NXPE2: variants seen among roughly 807,000 people sequenced by gnomAD.
NXPE2 encodes neurexophilin and PC-esterase domain family member 2, also known as NXPE family member 2.
In NXPE2, 34 loss-of-function variants were observed where a neutral mutation model predicts 34.4. The ratio of observed to expected loss-of-function variants is 0.99; its 90% CI spans 0.75 to 1.31. The LOEUF (loss-of-function observed/expected upper bound fraction) is 1.31, where lower values mean the gene tolerates loss of function less well. NXPE2 is among the 40% of genes most tolerant of loss of function. The pLI is 0.00. For synonymous variants in NXPE2, 235 were observed against 231.3 expected (o/e 1.02, Z -0.15); for missense variants, 649 against 672.5 (o/e 0.97, Z 0.39).
At chr11:114,673,542 T>C (rs1950824063), upstream of NXPE2, among the ~76,000 whole-genome samples, 1 of 151,348 alleles carries the variant, frequency 6.6e-6, no homozygotes, top group Non-Finnish European at 1.5e-5. Context: ...AAAAAGTCCT[T>C]TCAAAAGACC....
At chr11:114,555,013 T>C in the NXPE2 span, among the ~76,000 whole-genome samples, 1 of 152,190 alleles carries the variant, frequency 6.6e-6, no homozygotes, top group South Asian at 2.1e-4. Flanking sequence ...CTTGTTTTCT[T>C]GTTTAAGTCA....
chr11:114,779,774 CAG>C, the NXPE2 span, among the ~76,000 whole-genome samples: 1 of 152,088 alleles, frequency 6.6e-6, no homozygotes, highest in Non-Finnish European at 1.5e-5. Flanking sequence ...CTCGCTCGCT[CAG>C]GGAGATATTT....
chr11:114,583,631 C>T, the NXPE2 span: 1 of 591,414 alleles, frequency 1.7e-6, no homozygotes, highest in South Asian at 1.4e-5. Flanking sequence ...ACTTAATGAG[C>T]AGCAGATGGA....
At chr11:114,502,537 A>G in the NXPE2 span, among the ~76,000 whole-genome samples, 2 of 152,318 alleles carry the variant, frequency 1.3e-5, no homozygotes, top group East Asian at 3.9e-4. Context: ...TTATAATATT[A>G]CTGTTATTTG....
the NXPE2 span, among the ~76,000 whole-genome samples, chr11:114,604,208 T>C: frequency 1.3e-5 from 2 of 152,082 alleles, no homozygotes; most frequent in Non-Finnish European, 2.9e-5. Context: ...AAGTATTGCC[T>C]TGTGGGTAAC....
chr11:114,583,914 A>T, the NXPE2 span: 2 of 394,452 alleles, frequency 5.1e-6, no homozygotes, highest in Non-Finnish European at 9.9e-6. Flanking sequence ...AAAGGCAGAT[A>T]TTATGCTATT....
the NXPE2 span, among the ~76,000 whole-genome samples, chr11:114,668,146 T>C: frequency 1.2e-4 from 18 of 150,080 alleles, no homozygotes; most frequent in Admixed American, 7.3e-4. Context: ...AGCTATTGGC[T>C]CTCAACTCCA....
At chr11:114,522,468 AG>A in the NXPE2 span, 1 of 1,608,796 alleles carries the variant, frequency 6.2e-7, no homozygotes. Flanking sequence ...TGTTTCTTAA[AG>A]ATTCCAGTTT....
the NXPE2 span, among the ~76,000 whole-genome samples, chr11:114,464,650 G>A: frequency 6.6e-6 from 1 of 152,046 alleles, no homozygotes; most frequent in South Asian, 2.1e-4. Context: ...AGATAGGAAT[G>A]AATTTAAAAA....
upstream of NXPE2, among the ~76,000 whole-genome samples, chr11:114,675,184 T>C (rs1249133423): frequency 6.6e-6 from 1 of 151,822 alleles, no homozygotes; most frequent in African/African-American, 2.4e-5. Flanking sequence ...ACACTATATA[T>C]GACAAACCCA....
At chr11:114,491,824 C>T in the NXPE2 span, among the ~76,000 whole-genome samples, 1 of 152,158 alleles carries the variant, frequency 6.6e-6, no homozygotes, top group Non-Finnish European at 1.5e-5. Context: ...GAATACTATG[C>T]AGCCATAAAA....
chr11:114,477,213 G>A, the NXPE2 span, among the ~76,000 whole-genome samples: 4 of 152,126 alleles, frequency 2.6e-5, no homozygotes, highest in African/African-American at 7.2e-5. Context: ...AGGACTTGGA[G>A]CAAAACGAAT....
At chr11:114,729,271 G>A in the NXPE2 span, among the ~76,000 whole-genome samples, 3 of 152,132 alleles carry the variant, frequency 2.0e-5, no homozygotes, top group Non-Finnish European at 4.4e-5. Context: ...TGGTTGCATA[G>A]TATTCCATAG....
chr11:114,533,953 G>T, the NXPE2 span, among the ~76,000 whole-genome samples: 2 of 152,224 alleles, frequency 1.3e-5, no homozygotes, highest in Non-Finnish European at 2.9e-5. Context: ...CTCCCAGCAT[G>T]CAGCTTGAGA....
the NXPE2 span, among the ~76,000 whole-genome samples, chr11:114,576,856 A>G: frequency 1.4e-4 from 21 of 151,588 alleles, no homozygotes; most frequent in East Asian, 4.1e-3. Flanking sequence ...CAGAGGAAGA[A>G]AAGTCATTAT....
chr11:114,638,904 G>GGGGGGCA, the NXPE2 span, among the ~76,000 whole-genome samples: 1 of 151,500 alleles, frequency 6.6e-6, no homozygotes, highest in Admixed American at 6.6e-5. Flanking sequence ...TAGGCTGCTT[G>GGGGGGCA]GGGGTCAGGG....
At chr11:114,500,214 A>G in the NXPE2 span, among the ~76,000 whole-genome samples, 6 of 152,082 alleles carry the variant, frequency 3.9e-5, no homozygotes, top group African/African-American at 1.4e-4. Context: ...TGTACCATAT[A>G]TATATTCCAT....
At chr11:114,534,723 G>A in the NXPE2 span, among the ~76,000 whole-genome samples, 1 of 152,184 alleles carries the variant, frequency 6.6e-6, no homozygotes, top group Admixed American at 6.5e-5. Flanking sequence ...AGCATGAAGA[G>A]AAGTTTGGAG....
the NXPE2 span, among the ~76,000 whole-genome samples, chr11:114,535,771 G>A: frequency 6.6e-6 from 1 of 152,152 alleles, no homozygotes; most frequent in Non-Finnish European, 1.5e-5. Context: ...GGAGCACCTA[G>A]ATTCATAAAG....
Sources: allele counts gnomAD v4.1 joint callset (sites outside exome capture counted in the v4.1 genomes callset), GRCh38; gene constraint gnomAD v4.1.1; transcripts MANE v1.5; gene names NCBI Gene and HGNC (gene_info 2026-07-23, HGNC 2026-07-21).